Variants in MED15 observed in about 807,000 individuals in gnomAD.
MED15 encodes the protein mediator of RNA polymerase II transcription subunit 15.
MED15 carries 41 observed loss-of-function variants against 118.7 expected under a neutral mutation model. The observed-to-expected ratio is 0.35, with a 90% CI of 0.27 to 0.45. MED15 has a LOEUF of 0.45. Among genes scored for constraint, MED15 ranks in the 20% least tolerant of loss-of-function variants. The probability of loss-of-function intolerance (pLI) is 1.00; values close to 1 mark genes in which losing one functional copy is unlikely to be tolerated. For missense variants in MED15, 740 were observed against 1,025.5 expected, an observed-to-expected ratio of 0.72 and a Z score of 3.80; for synonymous variants, 436 against 413.9, an observed-to-expected ratio of 1.05 and a Z score of -0.65.
At chr22:20,529,603 T>C (rs535795551) in intron 1 of MED15, among the ~76,000 whole-genome samples, 60 of 152,092 alleles carry the variant, frequency 3.9e-4, no homozygotes, top group African/African-American at 1.4e-3. Context: ...TTTGTATTTT[T>C]ATTTTTTATT....
At chr22:20,516,625 G>T (rs1190135454) in intron 1 of MED15, among the ~76,000 whole-genome samples, 1 of 151,998 alleles carries the variant, frequency 6.6e-6, no homozygotes, top group Non-Finnish European at 1.5e-5. Flanking sequence ...TGCTGTGGCT[G>T]TGGCCAGTCA....
intron 1 of MED15, among the ~76,000 whole-genome samples, chr22:20,534,428 G>A (rs545525475): frequency 8.5e-5 from 13 of 152,168 alleles, no homozygotes; most frequent in East Asian, 3.8e-4. Context: ...GGGAGGCTGA[G>A]GTGAGAGGAT....
rs1382960686 is a variant in MED15, at chr22:20,535,685, G to A, written c.69-1432G>A. ...TGCCATTCTCCTGCCTCAGCCTCCC[G>A]AGTAGCTGGGACTACAGGCGCCTGC... On this transcript the variant is annotated intron_variant, in intron 1 of 17. Transcript: ENST00000263205. 2.8e-5 allele frequency among the ~76,000 whole-genome samples: 4 copies of A among 142,330 alleles called. No individual in the cohort carries two copies. In the East Asian group the frequency reaches 6.6e-4, roughly 24 times the overall value. 93.4% of individuals were successfully genotyped at this position (142,330 alleles called of 152,430 possible).
chr22:20,547,645 C>T (rs773256636), intron 2 of MED15, among the ~76,000 whole-genome samples: 54 of 151,960 alleles, frequency 3.6e-4, no homozygotes, highest in Non-Finnish European at 7.4e-4. Flanking sequence ...CAGTGAAACC[C>T]CGTCTCCACT....
chr22:20,544,967 G>A (rs5757992), intron 2 of MED15, among the ~76,000 whole-genome samples: 122,033 of 152,074 alleles, frequency 0.8, 49,016 homozygotes, highest in East Asian at 0.86. Context: ...AATTGCACTT[G>A]GGGTCCACCC....
intron 1 of MED15, 158 bp downstream of exon 1, chr22:20,507,904 C>T (rs1314341529): frequency 3.4e-6 from 5 of 1,464,616 alleles, no homozygotes; most frequent in South Asian, 1.4e-5. Flanking sequence ...CCCGTCTGTC[C>T]CCTCCGTTCC....
chr22:20,529,187 A>G (rs1306818516), intron 1 of MED15, among the ~76,000 whole-genome samples: 1 of 152,082 alleles, frequency 6.6e-6, no homozygotes, highest in East Asian at 1.9e-4. Context: ...AGGTTTTAAG[A>G]TGGAAGGGAA....
intron 2 of MED15, among the ~76,000 whole-genome samples, chr22:20,542,340 A>G (rs1026689815): frequency 5.9e-5 from 9 of 152,250 alleles, no homozygotes; most frequent in African/African-American, 2.2e-4. Flanking sequence ...CCAGCTGATG[A>G]ATGGATAAAC....
At chr22:20,512,925 A>G (rs1194310579) in intron 1 of MED15, among the ~76,000 whole-genome samples, 1 of 151,872 alleles carries the variant, frequency 6.6e-6, no homozygotes, top group East Asian at 1.9e-4. Flanking sequence ...TATTTTTAGT[A>G]GAGACGGGGT....
rs1025998092 is a variant in MED15 at position 20,525,344 on chromosome 22, C to T, written c.69-11773C>T. Among the ~76,000 whole-genome samples, 7 of 151,586 alleles carry T rather than the reference C, an allele frequency of 4.6e-5. 1 individual carries two copies. In the South Asian group the frequency reaches 6.3e-4, roughly 14 times the overall value. On this transcript the variant is annotated intron_variant, in intron 1 of 17. Coordinates refer to ENST00000263205, the MANE Select transcript of MED15 (RefSeq NM_001003891.3). Reference sequence around the variant, plus strand: ...TGTTTTTTTTTTGACATAGTTTTGCCCTGTCCCACAGGCGTGGGCCACCAC... The same window carrying T: ...TGTTTTTTTTTTGACATAGTTTTGCTCTGTCCCACAGGCGTGGGCCACCAC...
chr22:20,540,518 A>G (rs534242508), intron 2 of MED15, among the ~76,000 whole-genome samples: 10 of 152,274 alleles, frequency 6.6e-5, no homozygotes, highest in African/African-American at 2.4e-4. Context: ...AGATTACAGT[A>G]AGCTATGATT....
At chr22:20,524,628 G>GT (rs1419681019) in intron 1 of MED15, among the ~76,000 whole-genome samples, 3 of 151,998 alleles carry the variant, frequency 2.0e-5, no homozygotes, top group African/African-American at 7.3e-5. Flanking sequence ...GTTTTGTTTT[G>GT]TTTTTTGTTT....
chr22:20,551,360 G>C, intron 2 of MED15, 76 bp from the exon 3 acceptor site: 1 of 1,352,810 alleles, frequency 7.4e-7, no homozygotes, highest in Non-Finnish European at 1.1e-6. Flanking sequence ...GCCAGCAGGC[G>C]AGGGGGCGGG....
chr22:20,563,238 C>G (rs994736396), intron 5 of MED15, among the ~76,000 whole-genome samples: 1 of 152,070 alleles, frequency 6.6e-6, no homozygotes, highest in African/African-American at 2.4e-5. Flanking sequence ...GCATAAAAAC[C>G]CATGCACGAA....
intron 9 of MED15, among the ~76,000 whole-genome samples, chr22:20,581,540 C>T (rs1332616036): frequency 6.6e-6 from 1 of 152,060 alleles, no homozygotes; most frequent in African/African-American, 2.4e-5. Flanking sequence ...TGAGGGGATG[C>T]TTGGCATGCA....
In MED15 at chr22:20,580,599, T is replaced by C. The variant is rs961609001; in HGVS notation, c.1273-2012T>C. ...AAGCATGGGTCAGAAAAGGCAGAGT[T>C]GGGCTGAGCATGGGGCCCAGAGTCT... is the stretch of plus-strand genomic sequence containing the variant. On this transcript the variant is annotated intron_variant, in intron 9 of 17. Transcript: ENST00000263205. Among the ~76,000 whole-genome samples the C allele has an allele frequency of 2.4e-4, 37 of 152,072 alleles. 1 individual carries two copies.
At chr22:20,539,456 A>G (rs2055205767) in intron 2 of MED15, among the ~76,000 whole-genome samples, 1 of 152,242 alleles carries the variant, frequency 6.6e-6, no homozygotes, top group Admixed American at 6.5e-5. Flanking sequence ...CTGGATGGCC[A>G]TATCACATAT....
chr22:20,511,337 C>A (rs979963623), intron 1 of MED15, among the ~76,000 whole-genome samples: 3 of 151,604 alleles, frequency 2.0e-5, no homozygotes, highest in Non-Finnish European at 4.4e-5. Context: ...TAAACAAATA[C>A]AACAATCAGC....
intron 8 of MED15, among the ~76,000 whole-genome samples, chr22:20,572,690 G>T (rs2056702215): frequency 6.6e-6 from 1 of 152,218 alleles, no homozygotes; most frequent in South Asian, 2.1e-4. Context: ...AAGCCAAGGT[G>T]AGAGGATCAC....
Sources: gnomAD v4.1 joint callset for allele counts (sites outside exome capture counted in the v4.1 genomes callset) on GRCh38, gnomAD v4.1.1 for gene constraint, MANE v1.5 for transcripts, NCBI Gene and HGNC (gene_info 2026-07-23, HGNC 2026-07-21) for gene names.